The following AKT3 variants were observed in gnomAD, a reference collection of about 807,000 sequenced individuals.
The protein encoded by AKT3 is AKT serine/threonine kinase 3.
In AKT3, 15 loss-of-function variants were observed where a neutral mutation model predicts 65.3. That is an observed-to-expected ratio of 0.23 (90% confidence interval 0.15 to 0.35). The LOEUF (loss-of-function observed/expected upper bound fraction) is 0.35. Ranked by LOEUF, AKT3 falls within the 10% of genes least tolerant of loss-of-function variation. The pLI is 1.00. For synonymous variants in AKT3, 206 were observed against 183.8 expected, an observed-to-expected ratio of 1.12 and a Z score of -0.98; for missense variants, 243 against 576.5, an observed-to-expected ratio of 0.42 and a Z score of 5.92.
chr1:243,727,496 G>T (rs542744267), intron 2 of AKT3, among the ~76,000 whole-genome samples: 4 of 152,162 alleles, frequency 2.6e-5, no homozygotes, highest in South Asian at 4.1e-4. Context: ...GCCCAGGAAG[G>T]TCTAGAACTC....
At chr1:243,622,793 T>C (rs1322764384) in intron 6 of AKT3, among the ~76,000 whole-genome samples, 1 of 152,210 alleles carries the variant, frequency 6.6e-6, no homozygotes, top group African/African-American at 2.4e-5. Context: ...CAATGTTTAA[T>C]ACAGAGGTTC....
chr1:243,522,341 C>G (rs185753077), intron 12 of AKT3, among the ~76,000 whole-genome samples: 1 of 152,148 alleles, frequency 6.6e-6, no homozygotes, highest in African/African-American at 2.4e-5. Context: ...TTCCAACTTA[C>G]AAGCTAATTT....
chr1:243,732,419 T>A lies in AKT3; in HGVS notation c.47-36703A>T, dbSNP rs531651571. The stretch of plus-strand genomic sequence containing the variant: ...TGGTGGCTGACTGGACGTTTCTCAA[T>A]CTTTGGAATTACTAAATACAGCAAA... On this transcript the variant is annotated intron_variant, in intron 2 of 13. Coordinates refer to ENST00000673466, the MANE Select transcript of AKT3 (RefSeq NM_005465.7). Among the ~76,000 whole-genome samples, 4 of 152,280 alleles carry A rather than the reference T, an allele frequency of 2.6e-5. No homozygotes were observed. In the East Asian group the frequency reaches 7.7e-4, roughly 29 times the overall value.
intron 2 of AKT3, among the ~76,000 whole-genome samples, chr1:243,798,404 T>TTA: frequency 7.5e-6 from 1 of 132,572 alleles, no homozygotes; most frequent in East Asian, 2.1e-4. Flanking sequence ...TTTTTTTTTT[T>TTA]TTTTTTTTTT....
At chr1:243,764,528 C>T (rs906357492) in intron 2 of AKT3, among the ~76,000 whole-genome samples, 1 of 151,982 alleles carries the variant, frequency 6.6e-6, no homozygotes, top group Non-Finnish European at 1.5e-5. Flanking sequence ...TTTAAGAAAA[C>T]TTTCACTAAA....
chr1:243,653,145 A>T (rs1276639957), intron 4 of AKT3, among the ~76,000 whole-genome samples: 1 of 152,220 alleles, frequency 6.6e-6, no homozygotes, highest in Non-Finnish European at 1.5e-5. Context: ...TAGACACAAT[A>T]AAAAATGATA....
At chr1:243,548,850 T>C (rs1404573161) in intron 11 of AKT3, among the ~76,000 whole-genome samples, 1 of 152,166 alleles carries the variant, frequency 6.6e-6, no homozygotes, top group Non-Finnish European at 1.5e-5. Context: ...AGTTGACCCT[T>C]GGATAGAACT....
rs537048901 is a variant in AKT3, at chr1:243,788,186, G to A, written c.46+54939C>T. ...TACATGGATGGTAAGCTACTTGAAG[G>A]CAGGGAATATAGCTTATTATACTTT... On this transcript the variant is annotated intron_variant, in intron 2 of 13. Transcript: ENST00000673466. Among the ~76,000 whole-genome samples, 4 of 152,242 alleles carry A rather than the reference G, an allele frequency of 2.6e-5. No individual in the cohort carries two copies. The South Asian group carries it at 6.2e-4, about 24-fold the overall frequency.
Position 243,729,962 on chromosome 1 carries a change from T to C in AKT3, c.47-34246A>G, listed in dbSNP as rs560744193. Among the ~76,000 whole-genome samples the C allele has an allele frequency of 1.2e-4, 18 of 152,278 alleles. No individual in the cohort carries two copies. In the East Asian group the frequency reaches 1.9e-3, roughly 16 times the overall value. On this transcript the variant is annotated intron_variant, in intron 2 of 13. Coordinates refer to ENST00000673466, the MANE Select transcript of AKT3 (RefSeq NM_005465.7). ...ATATTTGTGTATTTCAGAAATAAAA[T>C]TGTGATAGTGGCAGGAGGCAGACAA...
chr1:243,639,404 T>G (rs1299627210), intron 5 of AKT3, among the ~76,000 whole-genome samples: 1 of 152,116 alleles, frequency 6.6e-6, no homozygotes, highest in Non-Finnish European at 1.5e-5. Context: ...GATACTGAGA[T>G]AGGAGTTTGG....
intron 2 of AKT3, among the ~76,000 whole-genome samples, chr1:243,804,642 C>T (rs1465132037): frequency 1.3e-5 from 2 of 152,040 alleles, no homozygotes; most frequent in African/African-American, 2.4e-5. Flanking sequence ...GTCAGAAGAT[C>T]GAGACCATCC....
chr1:243,847,092 G>C (rs1425353778), intron 1 of AKT3, among the ~76,000 whole-genome samples: 1 of 152,068 alleles, frequency 6.6e-6, no homozygotes, highest in Non-Finnish European at 1.5e-5. Context: ...GTGTGACCAG[G>C]ATTTAAAATA....
chr1:243,566,562 C>T (rs529053393), intron 9 of AKT3, among the ~76,000 whole-genome samples: 1 of 152,214 alleles, frequency 6.6e-6, no homozygotes, highest in Admixed American at 6.5e-5. Context: ...AGCATACTGC[C>T]TGGGAGGCAG....
intron 9 of AKT3, among the ~76,000 whole-genome samples, chr1:243,566,876 T>C (rs1415999721): frequency 6.6e-6 from 1 of 152,202 alleles, no homozygotes; most frequent in South Asian, 2.1e-4. Flanking sequence ...TAAAAAACAC[T>C]GTATTTTAAA....
chr1:243,798,025 G>A (rs1387436401), intron 2 of AKT3, among the ~76,000 whole-genome samples: 1 of 151,106 alleles, frequency 6.6e-6, no homozygotes, highest in Non-Finnish European at 1.5e-5. Context: ...TGGGACTACA[G>A]GCGCCCACCA....
chr1:243,765,027 A>G lies in AKT3; in HGVS notation c.47-69311T>C, dbSNP rs952226896. On this transcript the variant is annotated intron_variant, in intron 2 of 13. Transcript: ENST00000673466. ...TTATACATATATTTACTTTTGGTGC[A>G]TATTTATTGATGTTAAAAAATAATC... Among the ~76,000 whole-genome samples, 5 of 152,134 alleles carry G rather than the reference A, an allele frequency of 3.3e-5. No homozygotes were observed. The East Asian group carries it at 5.8e-4, about 18-fold the overall frequency.
At chr1:243,841,395 A>G (rs1032367619) in intron 2 of AKT3, among the ~76,000 whole-genome samples, 1 of 152,166 alleles carries the variant, frequency 6.6e-6, no homozygotes, top group Non-Finnish European at 1.5e-5. Context: ...AGAGATTAGT[A>G]AAGTAAAACT....
intron 12 of AKT3, among the ~76,000 whole-genome samples, chr1:243,532,156 A>T (rs1035785906): frequency 6.6e-6 from 1 of 152,192 alleles, no homozygotes; most frequent in Non-Finnish European, 1.5e-5. Flanking sequence ...CGTTAACAGA[A>T]ATGTTGAAAG....
chr1:243,597,368 G>C (rs1406658024), intron 8 of AKT3, among the ~76,000 whole-genome samples: 1 of 152,084 alleles, frequency 6.6e-6, no homozygotes, highest in East Asian at 1.9e-4. Context: ...ATAAACAGTG[G>C]AAAATATATT....
Sources: gnomAD v4.1 joint callset for allele counts (sites outside exome capture counted in the v4.1 genomes callset) on GRCh38, gnomAD v4.1.1 for gene constraint, MANE v1.5 for transcripts, NCBI Gene and HGNC (gene_info 2026-07-23, HGNC 2026-07-21) for gene names.